SNAPC1: variants seen among roughly 807,000 people sequenced by gnomAD.
SNAPC1 encodes snRNA-activating protein complex subunit 1.
Under a neutral mutation model 50.1 loss-of-function variants are expected in SNAPC1, and 42 were observed. The ratio of observed to expected loss-of-function variants is 0.84; its 90% CI spans 0.65 to 1.08. The LOEUF is 1.08. Ranked by LOEUF, SNAPC1 falls within the 50% of genes least tolerant of loss-of-function variation. The pLI is 0.00. For synonymous variants in SNAPC1, 164 were observed against 144.2 expected (o/e 1.14, Z -0.98); for missense variants, 477 against 427.3 (o/e 1.12, Z -1.02).
intron 4 of SNAPC1, among the ~76,000 whole-genome samples, chr14:61,771,174 A>G (rs2044988150): frequency 1.3e-5 from 2 of 152,240 alleles, no homozygotes; most frequent in Admixed American, 6.5e-5. Context: ...AAGACATAGT[A>G]TAATGCAGGA....
chr14:61,791,045 C>G (rs1414144683), intron 8 of SNAPC1, among the ~76,000 whole-genome samples: 2 of 152,166 alleles, frequency 1.3e-5, no homozygotes, highest in South Asian at 2.1e-4. Flanking sequence ...GAGTCTTGCT[C>G]TGTCGCCCAG....
chr14:61,762,448 G>T lies in SNAPC1; in HGVS notation c.-13G>T, dbSNP rs1212823069. ...GGCGTGCGGGCTTCGGAGGCGTGCG[G>T]GCTTCGGGTGCCATGGGGACTCCTC... On this transcript the variant is annotated 5_prime_UTR_variant, in exon 1 of 10. Coordinates refer to ENST00000216294, the MANE Select transcript of SNAPC1 (RefSeq NM_003082.4). The T allele has an allele frequency of 6.2e-7, 1 of 1,611,498 alleles. No individual in the cohort carries two copies. Among genetic ancestry groups the T allele is most frequent in the Non-Finnish European group, 8.5e-7 (1 of 1,179,766 alleles).
chr14:61,776,386 T>G (rs1176215644), intron 5 of SNAPC1, 133 bp downstream of exon 5: 1 of 747,920 alleles, frequency 1.3e-6, no homozygotes, highest in Non-Finnish European at 2.2e-6. Context: ...GGCTTGGCTT[T>G]TCTAGTTCCA....
intron 8 of SNAPC1, among the ~76,000 whole-genome samples, chr14:61,789,265 A>G (rs1164344899): frequency 6.6e-6 from 1 of 151,564 alleles, no homozygotes; most frequent in Non-Finnish European, 1.5e-5. Flanking sequence ...AAAGCTCTGT[A>G]TTATGAAAGT....
rs201352407 is a variant in SNAPC1 at position 61,773,739 on chromosome 14, G to A, written c.535-2356G>A. On this transcript the variant is annotated intron_variant, in intron 4 of 9. Transcript: ENST00000216294. ...TTTAAGGCAGAGTTTCCCTTTTATTGCCCAGGCTGGAATGCAGTGGCACGA... is the reference window on the plus strand; with the variant it reads ...TTTAAGGCAGAGTTTCCCTTTTATTACCCAGGCTGGAATGCAGTGGCACGA... Among the ~76,000 whole-genome samples the A allele has an allele frequency of 1.4e-4, 19 of 136,014 alleles. No homozygotes were observed. The East Asian group carries it at 3.5e-3, about 25-fold the overall frequency. 89.2% of individuals were successfully genotyped at this position (136,014 alleles called of 152,430 possible). A position where few individuals can be genotyped will look rare whatever the true frequency, so the allele number is the denominator to read the frequency against.
intron 8 of SNAPC1, 92 bp from the exon 9 acceptor site, chr14:61,792,714 TA>T (rs2045161409): frequency 1.6e-6 from 1 of 635,484 alleles, no homozygotes; most frequent in Non-Finnish European, 2.6e-6. Context: ...GTCTAATTTT[TA>T]TGCTGTAATA....
At chr14:61,776,642 A>T (rs1346385041) in intron 5 of SNAPC1, among the ~76,000 whole-genome samples, 1 of 152,176 alleles carries the variant, frequency 6.6e-6, no homozygotes, top group Non-Finnish European at 1.5e-5. Context: ...TAATTACCAA[A>T]TTTAAGTATT....
At chr14:61,791,121 C>T (rs967780697) in intron 8 of SNAPC1, among the ~76,000 whole-genome samples, 23 of 152,130 alleles carry the variant, frequency 1.5e-4, no homozygotes, top group African/African-American at 5.3e-4. Flanking sequence ...AAGCAATTCT[C>T]CTGCCTCAGT....
At chr14:61,764,883 C>T (rs1009418003) in intron 1 of SNAPC1, among the ~76,000 whole-genome samples, 1 of 152,184 alleles carries the variant, frequency 6.6e-6, no homozygotes, top group Non-Finnish European at 1.5e-5. Context: ...CTACTACCCC[C>T]TTCCCTTCCA....
chr14:61,791,916 A>G (rs370199229), intron 8 of SNAPC1, among the ~76,000 whole-genome samples: 27 of 152,104 alleles, frequency 1.8e-4, no homozygotes, highest in East Asian at 1.4e-3. Flanking sequence ...CTTTGTTCTT[A>G]TGTCTTTTTA....
intron 4 of SNAPC1, among the ~76,000 whole-genome samples, chr14:61,771,427 G>C (rs1398119542): frequency 6.6e-6 from 1 of 152,124 alleles, no homozygotes; most frequent in Non-Finnish European, 1.5e-5. Flanking sequence ...GTGGGACTGG[G>C]GTTAGAAATT....
intron 8 of SNAPC1, among the ~76,000 whole-genome samples, chr14:61,785,766 A>C (rs879152365): frequency 1.3e-5 from 2 of 152,210 alleles, no homozygotes; most frequent in Non-Finnish European, 2.9e-5. Flanking sequence ...CACCTAATAC[A>C]AATAATACGC....
chr14:61,783,938 G>A (rs1013424037), intron 8 of SNAPC1, among the ~76,000 whole-genome samples: 23 of 152,110 alleles, frequency 1.5e-4, no homozygotes, highest in African/African-American at 2.2e-4. Context: ...AAAAAGGAGC[G>A]TTAGAAACAG....
chr14:61,784,800 G>C (rs180824061), intron 8 of SNAPC1, among the ~76,000 whole-genome samples: 1 of 152,180 alleles, frequency 6.6e-6, no homozygotes, highest in Non-Finnish European at 1.5e-5. Context: ...ATGGTAATAT[G>C]CAAGAAGTAT....
At chr14:61,783,325 G>A (rs979384057) in intron 8 of SNAPC1, among the ~76,000 whole-genome samples, 5 of 151,394 alleles carry the variant, frequency 3.3e-5, no homozygotes, top group Non-Finnish European at 4.4e-5. Flanking sequence ...GCCACCGCAC[G>A]CGGCCTCCAG....
intron 1 of SNAPC1, 86 bp from the exon 2 acceptor site, chr14:61,766,790 A>G (rs2044951199): frequency 1.5e-6 from 1 of 668,544 alleles, no homozygotes; most frequent in South Asian, 2.4e-5. Flanking sequence ...AATTATAACT[A>G]CCGTTTAAAC....
In SNAPC1 at chr14:61,766,951, T is replaced by G. The variant is rs537207506; in HGVS notation, c.204T>G (p.Pro68=). Residue 68 remains proline (P), a synonymous_variant, in exon 2 of 10, where the codon CCT becomes CCG. Coordinates refer to ENST00000216294, the MANE Select transcript of SNAPC1 (RefSeq NM_003082.4). ...CTTTGGCTTGGCGATATTTTTTACC[T>G]CCATACACCTTCCAGATCAGAGTTG... ...ALALAWRYFL[P]PYTFQIRVGA... is the part of the protein sequence containing the mutation. 1 of 1,609,330 alleles carries G rather than the reference T, an allele frequency of 6.2e-7. No individual in the cohort carries two copies. The highest frequency in any genetic ancestry group is 8.5e-7 in the Non-Finnish European group (1 of 1,175,918).
In SNAPC1 at chr14:61,794,929, T is replaced by C. The variant is rs199899546; in HGVS notation, c.1073-20T>C. On this transcript the variant is annotated intron_variant, in intron 9 of 9. Transcript: ENST00000216294. ...TTTTTGTTTTTAGATCTGACTGACTTTTAAACTTTATGTCTTTAGAGTTCA... is the reference window on the plus strand; with the variant it reads ...TTTTTGTTTTTAGATCTGACTGACTCTTAAACTTTATGTCTTTAGAGTTCA... The C allele has an allele frequency of 2.4e-5, 38 of 1,570,218 alleles. 1 individual carries two copies. The Middle Eastern group carries it at 5.1e-4, about 21-fold the overall frequency.
intron 1 of SNAPC1, among the ~76,000 whole-genome samples, chr14:61,764,108 A>G (rs2044929822): frequency 6.6e-6 from 1 of 151,974 alleles, no homozygotes. Flanking sequence ...TAATTTTTGT[A>G]TTTTTAGTAG....
Sources: allele counts gnomAD v4.1 joint callset (sites outside exome capture counted in the v4.1 genomes callset), GRCh38; gene constraint gnomAD v4.1.1; transcripts MANE v1.5; gene names NCBI Gene and HGNC (gene_info 2026-07-23, HGNC 2026-07-21).